The following COL24A1 variants were observed in gnomAD, a reference collection of about 807,000 sequenced individuals.
COL24A1 encodes the protein collagen type XXIV alpha 1 chain.
COL24A1 carries 224 observed loss-of-function variants against 253.9 expected under a neutral mutation model. That is an observed-to-expected ratio of 0.88 (90% confidence interval 0.79 to 0.99). The LOEUF (loss-of-function observed/expected upper bound fraction) is 0.99, where lower values mean the gene tolerates loss of function less well. COL24A1 is among the 50% of genes least tolerant of loss of function. COL24A1 has a pLI of 0.00. For synonymous variants in COL24A1, 685 were observed against 673.7 expected (o/e 1.02, Z -0.26); for missense variants, 2,131 against 2,068.5 (o/e 1.03, Z -0.59).
At chr1:86,029,609 T>A (rs981718528) in intron 14 of COL24A1, among the ~76,000 whole-genome samples, 15 of 134,514 alleles carry the variant, frequency 1.1e-4, no homozygotes, top group Middle Eastern at 8.5e-3. Context: ...TTTATTTATT[T>A]GATTTTTTTT....
chr1:86,109,861 G>C (rs1188775575), intron 5 of COL24A1, among the ~76,000 whole-genome samples: 1 of 152,042 alleles, frequency 6.6e-6, no homozygotes, highest in African/African-American at 2.4e-5. Context: ...AGTGGGGCTC[G>C]TATAAATGGG....
At chr1:85,872,169 A>C (rs1680588062) in intron 35 of COL24A1, among the ~76,000 whole-genome samples, 1 of 152,204 alleles carries the variant, frequency 6.6e-6, no homozygotes, top group Non-Finnish European at 1.5e-5. Flanking sequence ...GGAGAACTAC[A>C]AACCACTGCT....
intron 24 of COL24A1, among the ~76,000 whole-genome samples, chr1:85,922,763 C>T (rs530609369): frequency 1.8e-4 from 28 of 152,250 alleles, no homozygotes; most frequent in South Asian, 6.2e-4. Flanking sequence ...CATCAACTAA[C>T]GGGCAAAATA....
chr1:85,975,627 G>A (rs1303495157), intron 20 of COL24A1, among the ~76,000 whole-genome samples: 3 of 152,254 alleles, frequency 2.0e-5, no homozygotes, highest in Non-Finnish European at 4.4e-5. Context: ...ATGGTAGTAG[G>A]GAAGGGGCTT....
Position 86,076,186 on chromosome 1 carries a change from T to C in COL24A1, c.1708-12427A>G, listed in dbSNP as rs569528839. ...AAATCTCCTTAAGCTGATAAGCAGC[T>C]TCAGCAAAGTCTCAGGATACAAAAT... is the stretch of plus-strand genomic sequence containing the variant. On this transcript the variant is annotated intron_variant, in intron 7 of 59. Transcript: ENST00000370571. Among the ~76,000 whole-genome samples, 4 of 152,310 alleles carry C rather than the reference T, an allele frequency of 2.6e-5. No individual in the cohort carries two copies. In the East Asian group the frequency reaches 7.7e-4, roughly 29 times the overall value.
At chr1:86,049,361 T>C (rs988011487) in intron 11 of COL24A1, among the ~76,000 whole-genome samples, 3 of 152,184 alleles carry the variant, frequency 2.0e-5, no homozygotes, top group South Asian at 2.1e-4. Context: ...TAGCAATGAA[T>C]CTGGTTCACT....
Position 85,813,532 on chromosome 1 carries a change from C to CTT in COL24A1, c.3951+3254_3951+3255dup, listed in dbSNP as rs765607746. Among the ~76,000 whole-genome samples, 82 of 76,242 alleles carry CTT rather than the reference C, an allele frequency of 1.1e-3. 21 individuals are homozygous for CTT. Among genetic ancestry groups the CTT allele is most frequent in the East Asian group, 6.8e-3 (8 of 1,180 alleles). 50.0% of individuals were successfully genotyped at this position (76,242 alleles called of 152,430 possible). A position where few individuals can be genotyped will look rare whatever the true frequency, so the allele number is the denominator to read the frequency against. ...AATTACTAGAAAATCTCATTCAGGTCTTTTTTTTTTTTTTTTTTTTTTTTT... is the reference window on the plus strand; with the variant it reads ...AATTACTAGAAAATCTCATTCAGGTCTTTTTTTTTTTTTTTTTTTTTTTTTTT... On this transcript the variant is annotated intron_variant, in intron 47 of 59. Transcript: ENST00000370571.
intron 24 of COL24A1, among the ~76,000 whole-genome samples, chr1:85,926,321 C>T (rs1297324071): frequency 6.6e-6 from 1 of 152,212 alleles, no homozygotes; most frequent in Non-Finnish European, 1.5e-5. Context: ...AATCCCATTA[C>T]TGGGTATATA....
chr1:85,816,646 A>G lies in COL24A1; in HGVS notation c.3951+142T>C. The G allele has an allele frequency of 4.6e-6, 3 of 646,198 alleles. No individual in the cohort carries two copies. The East Asian group carries it at 7.7e-5, about 17-fold the overall frequency. The allele number at this position is 646,198 out of a possible 1,614,324, so 40.0% of individuals were successfully genotyped here. ...ACAGTTCCTGGAAATCCTAAATACA[A>G]CTGCATAATAGCTATTAGAGAAATG... On this transcript the variant is annotated intron_variant, in intron 47 of 59. Coordinates refer to ENST00000370571, the MANE Select transcript of COL24A1 (RefSeq NM_152890.7).
At chr1:86,138,094 G>A (rs1232258267) in intron 2 of COL24A1, among the ~76,000 whole-genome samples, 1 of 151,982 alleles carries the variant, frequency 6.6e-6, no homozygotes, top group Non-Finnish European at 1.5e-5. Flanking sequence ...TAAACTCATG[G>A]CATTTGTACT....
At chr1:85,869,826 G>A (rs1680227488) in intron 35 of COL24A1, among the ~76,000 whole-genome samples, 1 of 152,104 alleles carries the variant, frequency 6.6e-6, no homozygotes, top group Non-Finnish European at 1.5e-5. Flanking sequence ...CATAATGACA[G>A]GATCATATTC....
At chr1:85,991,667 C>T (rs1359634632) in intron 19 of COL24A1, among the ~76,000 whole-genome samples, 3 of 152,124 alleles carry the variant, frequency 2.0e-5, no homozygotes, top group East Asian at 1.9e-4. Context: ...ACTGAATATA[C>T]GTGTGAATCT....
At position 85,868,775 on chromosome 1, in the gene COL24A1, A is replaced by T; in HGVS notation, c.3192+7T>A. The T allele has an allele frequency of 6.5e-7, 1 of 1,540,492 alleles. No individual in the cohort carries two copies. The highest frequency in any genetic ancestry group is 1.2e-5 in the South Asian group (1 of 81,964). On this transcript the variant is annotated splice_region_variant and intron_variant, in intron 36 of 59. Coordinates refer to ENST00000370571, the MANE Select transcript of COL24A1 (RefSeq NM_152890.7). ...ATTTTATATATAATCTTAAAAGTATAATTTACCTTTAACCCATCTTTTCCC... is the reference window on the plus strand; with the variant it reads ...ATTTTATATATAATCTTAAAAGTATTATTTACCTTTAACCCATCTTTTCCC...
At chr1:85,778,027 A>ATCTATCTATCTG (rs1553173110) in intron 52 of COL24A1, among the ~76,000 whole-genome samples, 1 of 140,068 alleles carries the variant, frequency 7.1e-6, no homozygotes, top group Non-Finnish European at 1.5e-5. Context: ...CTCTATCTCT[A>ATCTATCTATCTG]TCTATCTATC....
intron 5 of COL24A1, among the ~76,000 whole-genome samples, chr1:86,107,419 T>G (rs1294062702): frequency 6.6e-6 from 1 of 152,220 alleles, no homozygotes; most frequent in Admixed American, 6.5e-5. Flanking sequence ...TTCCGATTAT[T>G]CTAGAAATGC....
chr1:85,874,365 A>C (rs1680890835), intron 35 of COL24A1, among the ~76,000 whole-genome samples: 1 of 152,194 alleles, frequency 6.6e-6, no homozygotes, highest in African/African-American at 2.4e-5. Flanking sequence ...CTTAATGCTA[A>C]CATTAGTGAC....
At chr1:86,126,243 G>T (rs375288325) in intron 2 of COL24A1, 29 bp from the exon 3 acceptor site, 19 of 1,539,294 alleles carry the variant, frequency 1.2e-5, no homozygotes, top group Non-Finnish European at 1.7e-5. Flanking sequence ...GAGAGAGAAA[G>T]AATCTTAATT....
intron 24 of COL24A1, among the ~76,000 whole-genome samples, chr1:85,911,641 C>T (rs566351505): frequency 7.9e-5 from 12 of 152,070 alleles, no homozygotes; most frequent in African/African-American, 2.4e-4. Flanking sequence ...TATATCAGTG[C>T]CTAAAATATA....
At chr1:85,831,233 C>T (rs1675241299) in intron 43 of COL24A1, among the ~76,000 whole-genome samples, 1 of 152,026 alleles carries the variant, frequency 6.6e-6, no homozygotes, top group Admixed American at 6.6e-5. Context: ...GTAAATGTGA[C>T]TACTTGAAGG....
Sources: gnomAD v4.1 joint callset for allele counts (sites outside exome capture counted in the v4.1 genomes callset) on GRCh38, gnomAD v4.1.1 for gene constraint, MANE v1.5 for transcripts, NCBI Gene and HGNC (gene_info 2026-07-23, HGNC 2026-07-21) for gene names.